Variants in OXCT1 observed in about 807,000 individuals in gnomAD.
The protein encoded by OXCT1 is succinyl-CoA:3-ketoacid coenzyme A transferase 1, mitochondrial.
In OXCT1, 27 loss-of-function variants were observed where a neutral mutation model predicts 69.6. The ratio of observed to expected loss-of-function variants is 0.39; its 90% CI spans 0.29 to 0.54. The LOEUF is 0.54. OXCT1 is among the 20% of genes least tolerant of loss of function. The probability of loss-of-function intolerance (pLI) is 0.72; values close to 1 mark genes in which losing one functional copy is unlikely to be tolerated. For synonymous variants in OXCT1, 202 were observed against 217.8 expected (o/e 0.93, Z 0.64); for missense variants, 437 against 650.2 (o/e 0.67, Z 3.57).
intron 7 of OXCT1, among the ~76,000 whole-genome samples, chr5:41,827,559 G>C (rs1006855626): frequency 6.6e-6 from 1 of 152,150 alleles, no homozygotes; most frequent in African/African-American, 2.4e-5. Context: ...GCTCAAGTGT[G>C]AAGTTCTGAA....
intron 13 of OXCT1, 81 bp downstream of exon 13, chr5:41,793,922 A>G (rs1746050613): frequency 2.1e-5 from 17 of 816,402 alleles, no homozygotes; most frequent in Non-Finnish European, 3.0e-5. Flanking sequence ...AAGAATCGTG[A>G]TCTCATGGCC....
Position 41,794,068 on chromosome 5 carries a change from C to G in OXCT1, c.1183G>C (p.Asp395His), listed in dbSNP as rs544345952. 1.1e-5 allele frequency: 18 copies of G among 1,612,474 alleles called. No homozygotes were observed. In the South Asian group the frequency reaches 2.0e-4, roughly 18 times the overall value. ...TGCATCGCTCCTAGCATTGTCAGATCGACGTGTCCACTGAGAAAGAAAGAG... is the reference window on the plus strand; with the variant it reads ...TGCATCGCTCCTAGCATTGTCAGATGGACGTGTCCACTGAGAAAGAAAGAG... ...SFAMIRGGHV[D>H]LTMLGAMQVS... The change falls in exon 13 of 17, where the codon GAT (aspartate) becomes CAT (histidine). Residue 395 changes from aspartate to histidine, a missense_variant. By Grantham distance (81) the Asp-to-His change is moderately conservative. Transcript: ENST00000196371.
chr5:41,816,074 G>T (rs942482564), intron 7 of OXCT1, among the ~76,000 whole-genome samples: 2 of 152,170 alleles, frequency 1.3e-5, no homozygotes, highest in Non-Finnish European at 2.9e-5. Context: ...TAACAGATTT[G>T]ATTTGAATTC....
intron 4 of OXCT1, among the ~76,000 whole-genome samples, chr5:41,850,389 A>C (rs1363254366): frequency 6.6e-6 from 1 of 152,228 alleles, no homozygotes; most frequent in African/African-American, 2.4e-5. Context: ...ATCCACATTC[A>C]AAATGTAACC....
chr5:41,769,029 G>A (rs887506272), intron 13 of OXCT1, among the ~76,000 whole-genome samples: 13 of 152,038 alleles, frequency 8.6e-5, no homozygotes, highest in Admixed American at 6.6e-4. Flanking sequence ...AGTGAGCTCC[G>A]GCTTATTCTT....
In OXCT1 at chr5:41,751,839, A is replaced by G. The variant is rs114640619; in HGVS notation, c.1339-2232T>C. 2.9e-3 allele frequency among the ~76,000 whole-genome samples: 441 copies of G among 152,284 alleles called. 2 individuals carry two copies. The highest frequency in any genetic ancestry group is 0.01 in the African/African-American group (423 of 41,572). On this transcript the variant is annotated intron_variant, in intron 14 of 16. Coordinates refer to ENST00000196371, the MANE Select transcript of OXCT1 (RefSeq NM_000436.4). ...CTCCTAAGAAACTGGCACCAAATGTATTCCTGTTAGAACAATGGAGCTAGA... is the reference window on the plus strand; with the variant it reads ...CTCCTAAGAAACTGGCACCAAATGTGTTCCTGTTAGAACAATGGAGCTAGA...
In OXCT1 at chr5:41,771,901, A is replaced by G. The variant is rs141338602; in HGVS notation, c.1249-9701T>C. On this transcript the variant is annotated intron_variant, in intron 13 of 16. Transcript: ENST00000196371. ...TCACATAGGAGCATGTATGACCTGCAAATACAGGAATTTCATATGGTTGGT... is the reference window on the plus strand; with the variant it reads ...TCACATAGGAGCATGTATGACCTGCGAATACAGGAATTTCATATGGTTGGT... Among the ~76,000 whole-genome samples the G allele has an allele frequency of 6.1e-4, 93 of 152,348 alleles. No individual in the cohort carries two copies. The East Asian group carries it at 0.016, about 26-fold the overall frequency.
At chr5:41,852,078 C>T (rs551622605) in intron 4 of OXCT1, among the ~76,000 whole-genome samples, 53 of 152,172 alleles carry the variant, frequency 3.5e-4, no homozygotes, top group Non-Finnish European at 6.6e-4. Context: ...CGTGAGAAGT[C>T]GGCCATCTGC....
At chr5:41,853,716 G>T (rs1354232708) in intron 3 of OXCT1, 162 bp from the exon 4 acceptor site, 1 of 768,654 alleles carries the variant, frequency 1.3e-6, no homozygotes, top group East Asian at 2.7e-5. Flanking sequence ...CTTTTGCAAG[G>T]TAGCTATCCT....
intron 7 of OXCT1, among the ~76,000 whole-genome samples, chr5:41,810,477 A>G (rs774474045): frequency 7.9e-5 from 12 of 152,048 alleles, no homozygotes; most frequent in Admixed American, 7.2e-4. Context: ...CCATGGCACT[A>G]TGAATAGTTC....
intron 13 of OXCT1, among the ~76,000 whole-genome samples, chr5:41,785,002 T>C (rs1470495057): frequency 3.3e-5 from 5 of 152,214 alleles, no homozygotes; most frequent in African/African-American, 1.2e-4. Context: ...GTTTTCCAGA[T>C]AGTCATAGAT....
intron 13 of OXCT1, among the ~76,000 whole-genome samples, chr5:41,788,886 G>A (rs918387262): frequency 1.3e-5 from 2 of 152,168 alleles, no homozygotes; most frequent in Non-Finnish European, 2.9e-5. Flanking sequence ...CCATAAGCAA[G>A]TCTCAAATTT....
intron 15 of OXCT1, 34 bp downstream of exon 15, chr5:41,749,492 TA>T: frequency 1.4e-6 from 2 of 1,386,562 alleles, no homozygotes; most frequent in South Asian, 1.2e-5. Flanking sequence ...AATGCTTACT[TA>T]AAACATGGTA....
intron 12 of OXCT1, chr5:41,794,301 T>C (rs1442564695): frequency 1.6e-6 from 1 of 610,590 alleles, no homozygotes; most frequent in Non-Finnish European, 2.9e-6. Flanking sequence ...TAACAAACTA[T>C]GAACAGGTGT....
chr5:41,734,060 C>G (rs1742769647), intron 16 of OXCT1, among the ~76,000 whole-genome samples: 2 of 152,234 alleles, frequency 1.3e-5, no homozygotes, highest in Non-Finnish European at 2.9e-5. Flanking sequence ...TCAGATTCCA[C>G]TGCAAACATA....
At chr5:41,854,231 C>T (rs1315509649) in intron 3 of OXCT1, among the ~76,000 whole-genome samples, 2 of 151,964 alleles carry the variant, frequency 1.3e-5, no homozygotes, top group Non-Finnish European at 2.9e-5. Flanking sequence ...AACAATAATC[C>T]TGTATCTGTT....
intron 13 of OXCT1, among the ~76,000 whole-genome samples, chr5:41,787,181 A>G (rs751500733): frequency 2.2e-4 from 33 of 152,362 alleles, no homozygotes; most frequent in Non-Finnish European, 3.8e-4. Context: ...TGACAAAGAT[A>G]TTCTATTTCT....
At chr5:41,787,634 C>CAAAAAAAAAAAAAAAAAAAAAAAAAGAAA (rs765691863) in intron 13 of OXCT1, among the ~76,000 whole-genome samples, 1 of 34,732 alleles carries the variant, frequency 2.9e-5, no homozygotes, top group Non-Finnish European at 4.5e-5. Context: ...AAGCATTAGG[C>CAAAAAAAAAAAAAAAAAAAAAAAAAGAAA]AAAAAAAAAA....
intron 15 of OXCT1, among the ~76,000 whole-genome samples, chr5:41,743,249 A>C (rs1382569359): frequency 6.6e-6 from 1 of 151,970 alleles, no homozygotes; most frequent in Non-Finnish European, 1.5e-5. Flanking sequence ...GCATTTTTTC[A>C]TGTGTCTGTT....
Sources: allele counts gnomAD v4.1 joint callset (sites outside exome capture counted in the v4.1 genomes callset), GRCh38; gene constraint gnomAD v4.1.1; transcripts MANE v1.5; gene names NCBI Gene and HGNC (gene_info 2026-07-23, HGNC 2026-07-21).